The following ARFGEF3 variants were observed in gnomAD, a reference collection of about 807,000 sequenced individuals.
ARFGEF3 encodes brefeldin A-inhibited guanine nucleotide-exchange protein 3.
A neutral mutation model predicts 221.7 loss-of-function variants in ARFGEF3; 96 were observed. The ratio of observed to expected loss-of-function variants is 0.43; its 90% CI spans 0.37 to 0.51. The LOEUF is 0.51. ARFGEF3 is among the 20% of genes least tolerant of loss of function. ARFGEF3 has a pLI of 0.00. For missense variants in ARFGEF3, 2,410 were observed against 2,789.9 expected (o/e 0.86, Z 3.07); for synonymous variants, 1,145 against 1,126.8 (o/e 1.02, Z -0.32).
chr6:138,171,396 C>A (rs750178564), intron 2 of ARFGEF3, among the ~76,000 whole-genome samples: 61 of 148,524 alleles, frequency 4.1e-4, no homozygotes, highest in Non-Finnish European at 7.8e-4. Flanking sequence ...ATTGCACTCC[C>A]TCTGATGGGC....
chr6:138,214,968 T>C (rs1239051282), intron 4 of ARFGEF3, among the ~76,000 whole-genome samples: 2 of 152,174 alleles, frequency 1.3e-5, no homozygotes, highest in African/African-American at 2.4e-5. Context: ...CAATAAATGG[T>C]CAGAACTGTA....
At chr6:138,234,557 C>T (rs1439029096) in intron 5 of ARFGEF3, among the ~76,000 whole-genome samples, 1 of 151,890 alleles carries the variant, frequency 6.6e-6, no homozygotes, top group African/African-American at 2.4e-5. Context: ...CACATACCTA[C>T]CTGTTGACCT....
chr6:138,174,007 G>T (rs186873085), intron 2 of ARFGEF3, among the ~76,000 whole-genome samples: 1 of 152,256 alleles, frequency 6.6e-6, no homozygotes, highest in East Asian at 1.9e-4. Flanking sequence ...CTTGTACAGA[G>T]AATTGAACCA....
At position 138,294,071 on chromosome 6, in the gene ARFGEF3, G is replaced by A; in HGVS notation, c.3447G>A (p.Gln1149=). 6.2e-7 allele frequency: 1 copy of A among 1,613,790 alleles called. No individual in the cohort carries two copies. Residue 1149 remains glutamine (Q), a synonymous_variant, in exon 20 of 34, where the codon CAG becomes CAA. Coordinates refer to ENST00000251691, the MANE Select transcript of ARFGEF3 (RefSeq NM_020340.5). The stretch of plus-strand genomic sequence containing the variant: ...TTTACCAGCTGAAGAAAGCATCGCA[G>A]TCTCAGCTTTTCCATTCTGTTACAG... ...GFLYQLKKAS[Q]SQLFHSVTDT...
chr6:138,341,919 C>A lies in ARFGEF3; in HGVS notation c.*5433C>A, dbSNP rs1227913799. On this transcript the variant is annotated 3_prime_UTR_variant, in exon 34 of 34. Transcript: ENST00000251691. ...ACCACACCACTAGCACCATACAGAA[C>A]CTTTTCTCTGTATCTTTGTACAATA... is the stretch of plus-strand genomic sequence containing the variant. 6.6e-6 allele frequency: 1 copy of A among 152,144 alleles called. No homozygotes were observed. The highest frequency in any genetic ancestry group is 6.5e-5 in the Admixed American group (1 of 15,282). The allele number at this position is 152,144 out of a possible 1,614,324, so 9.4% of individuals were successfully genotyped here.
chr6:138,259,709 C>T (rs550415345), intron 10 of ARFGEF3, among the ~76,000 whole-genome samples: 2 of 152,244 alleles, frequency 1.3e-5, no homozygotes, highest in East Asian at 1.9e-4. Context: ...GTCAGGAGTT[C>T]AAGATCAGGC....
At chr6:138,313,675 T>C (rs1458759057) in intron 25 of ARFGEF3, 120 bp from the exon 26 acceptor site, 2 of 801,774 alleles carry the variant, frequency 2.5e-6, no homozygotes, top group African/African-American at 3.5e-5. Flanking sequence ...ATAATCAAAT[T>C]TTCAATGTCT....
At chr6:138,332,235 A>T (rs2114696174) in intron 32 of ARFGEF3, among the ~76,000 whole-genome samples, 1 of 152,258 alleles carries the variant, frequency 6.6e-6, no homozygotes, top group South Asian at 2.1e-4. Context: ...TGTCAGAACC[A>T]TTTCTCAGGG....
rs372228528 is a variant in ARFGEF3 at position 138,301,422 on chromosome 6, GAC to G, written c.3828+2639_3828+2640del. Among the ~76,000 whole-genome samples, 77 of 152,348 alleles carry G rather than the reference GAC, an allele frequency of 5.1e-4. 1 individual carries two copies. The highest frequency in any genetic ancestry group is 1.7e-3 in the African/African-American group (69 of 41,588). ...GTTTGACCAGCGTGAGGCTGACTGAGACAATCATCAGCTTTTCTACCATCAGG... is the reference window on the plus strand; with the variant it reads ...GTTTGACCAGCGTGAGGCTGACTGAGAATCATCAGCTTTTCTACCATCAGG... On this transcript the variant is annotated intron_variant, in intron 22 of 33. Coordinates refer to ENST00000251691, the MANE Select transcript of ARFGEF3 (RefSeq NM_020340.5).
At chr6:138,167,884 C>G (rs1317156515) in intron 1 of ARFGEF3, among the ~76,000 whole-genome samples, 1 of 152,144 alleles carries the variant, frequency 6.6e-6, no homozygotes, top group Non-Finnish European at 1.5e-5. Context: ...GTGTTCTGTC[C>G]AGCCGTACAT....
chr6:138,296,303 A>G (rs2114643672), intron 20 of ARFGEF3, among the ~76,000 whole-genome samples: 1 of 152,334 alleles, frequency 6.6e-6, no homozygotes, highest in South Asian at 2.1e-4. Context: ...CAGTAACAAG[A>G]GTAATAATAA....
chr6:138,307,432 T>C lies in ARFGEF3; in HGVS notation c.3973+35T>C, dbSNP rs774798410. 5 of 1,588,900 alleles carry C rather than the reference T, an allele frequency of 3.1e-6. No individual in the cohort carries two copies. In the African/African-American group the frequency reaches 6.7e-5, roughly 21 times the overall value. ...TTTGGATGATTCTTGCTATTCAGCA[T>C]TAATTCTCTGTGCCAAGTTTCATGC... On this transcript the variant is annotated intron_variant, in intron 23 of 33. Coordinates refer to ENST00000251691, the MANE Select transcript of ARFGEF3 (RefSeq NM_020340.5).
chr6:138,247,132 C>A (rs1267621735), intron 8 of ARFGEF3, among the ~76,000 whole-genome samples: 3 of 152,184 alleles, frequency 2.0e-5, no homozygotes, highest in Non-Finnish European at 4.4e-5. Context: ...AGGCAGACAG[C>A]AGGTCTGGGC....
rs1446189413 is a variant in ARFGEF3 at position 138,307,405 on chromosome 6, T to C, written c.3973+8T>C. The C allele has an allele frequency of 6.2e-7, 1 of 1,612,130 alleles. No homozygotes were observed. Among genetic ancestry groups the C allele is most frequent in the Admixed American group, 1.7e-5 (1 of 59,888 alleles). On this transcript the variant is annotated splice_region_variant and intron_variant, in intron 23 of 33. Transcript: ENST00000251691. ...TTGGTGACTACTCCATGGGTAAGAA[T>C]GTTTGGATGATTCTTGCTATTCAGC...
chr6:138,324,216 T>G, intron 31 of ARFGEF3, 62 bp downstream of exon 31: 2 of 1,563,780 alleles, frequency 1.3e-6, no homozygotes, highest in African/African-American at 2.7e-5. Flanking sequence ...TTGGGAGACC[T>G]TCCTTGAAGG....
At position 138,335,022 on chromosome 6, in the gene ARFGEF3, A is replaced by C; in HGVS notation, c.6176A>C (p.Gln2059Pro). Reference protein sequence around the residue: ...KKGEPLGPRGQDSPLLQRPQH... With the variant: ...KKGEPLGPRGPDSPLLQRPQH... ...GGAGAGCCACTGGGTCCCAGGGGCC[A>C]GGACTCCCCGCTGCTTCAGCGTCCC... Residue 2059 changes from glutamine to proline, a missense_variant, in exon 33 of 34, where the codon CAG becomes CCG. Gln to Pro is a moderately conservative substitution (Grantham distance 76). Transcript: ENST00000251691. 1 of 1,592,378 alleles carries C rather than the reference A, an allele frequency of 6.3e-7. No homozygotes were observed. Among genetic ancestry groups the C allele is most frequent in the Non-Finnish European group, 8.5e-7 (1 of 1,170,110 alleles).
At position 138,338,422 on chromosome 6, in the gene ARFGEF3, G is replaced by A. The variant is rs1179550834; in HGVS notation, c.*1936G>A. 1.3e-5 allele frequency: 2 copies of A among 152,180 alleles called. No individual in the cohort carries two copies. Among genetic ancestry groups the A allele is most frequent in the Non-Finnish European group, 2.9e-5 (2 of 68,038 alleles). 9.4% of individuals were successfully genotyped at this position (152,180 alleles called of 1,614,324 possible). On this transcript the variant is annotated 3_prime_UTR_variant, in exon 34 of 34. Transcript: ENST00000251691. ...CAGTTTACTGGGGGAAAAGGCTTCA[G>A]TAAAGCAGAGGCTAGAATTACAGTA...
intron 5 of ARFGEF3, among the ~76,000 whole-genome samples, chr6:138,231,941 A>G (rs1778200889): frequency 6.6e-6 from 1 of 152,250 alleles, no homozygotes; most frequent in African/African-American, 2.4e-5. Context: ...AAGTTCTTAG[A>G]ACAGCATCCT....
intron 22 of ARFGEF3, 142 bp downstream of exon 22, chr6:138,298,927 T>C (rs371997435): frequency 2.6e-5 from 18 of 690,252 alleles, no homozygotes; most frequent in African/African-American, 1.5e-4. Flanking sequence ...GGGCTGGGCG[T>C]GGTGGCTCAC....
Sources: gnomAD v4.1 joint callset for allele counts (sites outside exome capture counted in the v4.1 genomes callset) on GRCh38, gnomAD v4.1.1 for gene constraint, MANE v1.5 for transcripts, NCBI Gene and HGNC (gene_info 2026-07-23, HGNC 2026-07-21) for gene names.